Variants in DPYD observed in about 807,000 individuals in gnomAD.
DPYD encodes dihydropyrimidine dehydrogenase, also known as dihydropyrimidine dehydrogenase [NADP(+)].
Under a neutral mutation model 116.2 loss-of-function variants are expected in DPYD, and 109 were observed. The observed-to-expected ratio is 0.94, with a 90% CI of 0.80 to 1.10. DPYD has a LOEUF of 1.10. Ranked by LOEUF, DPYD falls within the 50% of genes least tolerant of loss-of-function variation. The pLI, the probability that DPYD is intolerant of heterozygous loss-of-function variation, is 0.00. For missense variants in DPYD, 1,302 were observed against 1,254.5 expected, an observed-to-expected ratio of 1.04 and a Z score of -0.57; for synonymous variants, 440 against 432.0, an observed-to-expected ratio of 1.02 and a Z score of -0.23.
intron 16 of DPYD, among the ~76,000 whole-genome samples, chr1:97,334,495 G>A (rs1463444757): frequency 2.0e-5 from 3 of 151,702 alleles, no homozygotes; most frequent in East Asian, 1.9e-4. Context: ...GCAGAATTAC[G>A]GGATTTGTAA....
At chr1:97,086,044 CGTT>C (rs1194736878) in intron 21 of DPYD, among the ~76,000 whole-genome samples, 1 of 151,690 alleles carries the variant, frequency 6.6e-6, no homozygotes, top group Non-Finnish European at 1.5e-5. Flanking sequence ...TAAAAGTTGT[CGTT>C]GTTTTGTTTT....
At chr1:97,597,395 A>C (rs1403529109) in intron 8 of DPYD, among the ~76,000 whole-genome samples, 3 of 152,130 alleles carry the variant, frequency 2.0e-5, no homozygotes, top group Non-Finnish European at 4.4e-5. Flanking sequence ...GGATGATCAG[A>C]AGCAGGGATT....
intron 2 of DPYD, among the ~76,000 whole-genome samples, chr1:97,854,600 T>A (rs749277500): frequency 6.6e-6 from 1 of 151,920 alleles, no homozygotes; most frequent in Non-Finnish European, 1.5e-5. Context: ...TCAGGAAGAG[T>A]TTAAAATCAA....
intron 14 of DPYD, among the ~76,000 whole-genome samples, chr1:97,431,779 A>G (rs1384603169): frequency 6.6e-6 from 1 of 152,086 alleles, no homozygotes; most frequent in East Asian, 1.9e-4. Flanking sequence ...GCCCTATTAT[A>G]TTACTGAACA....
At chr1:97,239,518 C>T (rs537443900) in intron 18 of DPYD, among the ~76,000 whole-genome samples, 2 of 151,922 alleles carry the variant, frequency 1.3e-5, no homozygotes, top group African/African-American at 2.4e-5. Flanking sequence ...TATATATCTA[C>T]GCTTGACTCA....
At chr1:97,437,056 ATACT>A (rs925087199) in intron 14 of DPYD, among the ~76,000 whole-genome samples, 11 of 151,784 alleles carry the variant, frequency 7.2e-5, no homozygotes, top group South Asian at 4.1e-4. Context: ...TAAATTATAC[ATACT>A]TAAAGTATAC....
intron 18 of DPYD, among the ~76,000 whole-genome samples, chr1:97,289,989 G>A (rs1329508643): frequency 6.6e-6 from 1 of 152,140 alleles, no homozygotes; most frequent in Admixed American, 6.6e-5. Flanking sequence ...CTTCAGCAAA[G>A]TCTCAGGATA....
chr1:97,726,928 G>A (rs1406163786), intron 4 of DPYD, among the ~76,000 whole-genome samples: 3 of 151,618 alleles, frequency 2.0e-5, no homozygotes, highest in Admixed American at 6.6e-5. Flanking sequence ...AACTATGAGT[G>A]TCTGATCTAC....
intron 21 of DPYD, among the ~76,000 whole-genome samples, chr1:97,097,914 G>A (rs981923491): frequency 1.3e-5 from 2 of 152,022 alleles, no homozygotes; most frequent in African/African-American, 4.8e-5. Flanking sequence ...AACTACATGT[G>A]AATCTACATT....
At chr1:97,544,726 A>G (rs77311029) in intron 12 of DPYD, among the ~76,000 whole-genome samples, 11,072 of 151,858 alleles carry the variant, frequency 0.073, 568 homozygotes, top group Non-Finnish European at 0.11. Context: ...AAACACCACC[A>G]AACTACAATC....
chr1:97,418,510 G>C (rs1413878518), intron 14 of DPYD, among the ~76,000 whole-genome samples: 16 of 152,010 alleles, frequency 1.1e-4, no homozygotes, highest in Admixed American at 1.0e-3. Context: ...ATGTTAGTCA[G>C]ACTGGTTTCG....
rs138020446 is a variant in DPYD at position 97,906,304 on chromosome 1, G to T, written c.39+14580C>A. Among the ~76,000 whole-genome samples, 9 of 152,114 alleles carry T rather than the reference G, an allele frequency of 5.9e-5. No individual in the cohort carries two copies. The East Asian group carries it at 1.5e-3, about 26-fold the overall frequency. ...GTAAAACTAAATTATTAAGTTGCAT[G>T]AATGTGAATTTATAACATGCTTATT... On this transcript the variant is annotated intron_variant, in intron 1 of 22. Transcript: ENST00000370192.
chr1:97,233,708 T>C (rs1221970966), intron 19 of DPYD, among the ~76,000 whole-genome samples: 1 of 152,022 alleles, frequency 6.6e-6, no homozygotes, highest in Admixed American at 6.6e-5. Context: ...AGATGAGATA[T>C]GTGAGGAAAA....
intron 18 of DPYD, among the ~76,000 whole-genome samples, chr1:97,254,468 T>C (rs751262316): frequency 3.3e-5 from 5 of 152,268 alleles, no homozygotes; most frequent in Admixed American, 6.5e-5. Flanking sequence ...ATTTAACCAT[T>C]TGTCCATTAA....
intron 2 of DPYD, chr1:97,856,499 G>T (rs1163803222): frequency 1.3e-5 from 2 of 152,208 alleles, no homozygotes; most frequent in Non-Finnish European, 1.5e-5. Context: ...TCTGTTGTGT[G>T]AGTGAAACCT....
At chr1:97,772,077 C>A (rs1430351070) in intron 3 of DPYD, among the ~76,000 whole-genome samples, 2 of 152,144 alleles carry the variant, frequency 1.3e-5, no homozygotes, top group African/African-American at 4.8e-5. Context: ...AAAGTCCTCT[C>A]ACTTTTTCTG....
Position 97,275,299 on chromosome 1 carries a change from C to G in DPYD, c.2299+29960G>C, listed in dbSNP as rs533542774. Among the ~76,000 whole-genome samples, 5 of 152,314 alleles carry G rather than the reference C, an allele frequency of 3.3e-5. No individual in the cohort carries two copies. In the East Asian group the frequency reaches 9.6e-4, roughly 29 times the overall value. ...CTCTCCCACAAAGTCTTCCCTGATC[C>G]TTCCAGTAAGAAGTGATCACTCCCC... On this transcript the variant is annotated intron_variant, in intron 18 of 22. Transcript: ENST00000370192.
chr1:97,620,248 T>G (rs1656553713), intron 8 of DPYD, among the ~76,000 whole-genome samples: 1 of 152,172 alleles, frequency 6.6e-6, no homozygotes, highest in African/African-American at 2.4e-5. Context: ...AGTGTCACTT[T>G]GTTGACCAGG....
At chr1:97,598,829 G>A (rs1655058718) in intron 8 of DPYD, among the ~76,000 whole-genome samples, 1 of 152,040 alleles carries the variant, frequency 6.6e-6, no homozygotes, top group South Asian at 2.1e-4. Flanking sequence ...GAGGCATATA[G>A]GGATTAAGTA....
Sources: gnomAD v4.1 joint callset for allele counts (sites outside exome capture counted in the v4.1 genomes callset) on GRCh38, gnomAD v4.1.1 for gene constraint, MANE v1.5 for transcripts, NCBI Gene and HGNC (gene_info 2026-07-23, HGNC 2026-07-21) for gene names.